Variants in NAA11 observed in about 807,000 individuals in gnomAD.
NAA11 encodes N-alpha-acetyltransferase 11.
NAA11 carries 15 observed loss-of-function variants against 16.1 expected under a neutral mutation model. The observed-to-expected ratio is 0.93, with a 90% CI of 0.62 to 1.44. The LOEUF (loss-of-function observed/expected upper bound fraction) is 1.44. NAA11 is among the 40% of genes most tolerant of loss of function. The probability of loss-of-function intolerance (pLI) is 0.00; values close to 1 mark genes in which losing one functional copy is unlikely to be tolerated. For missense variants in NAA11, 298 were observed against 291.3 expected, an observed-to-expected ratio of 1.02 and a Z score of -0.17; for synonymous variants, 122 against 112.4, an observed-to-expected ratio of 1.09 and a Z score of -0.54.
chr4:79,239,735 A>G (rs979203460), intron 2 of NAA11, among the ~76,000 whole-genome samples: 1 of 152,102 alleles, frequency 6.6e-6, no homozygotes, highest in Non-Finnish European at 1.5e-5. Flanking sequence ...ACCTCTTATA[A>G]TGGACACAAA....
intron 2 of NAA11, among the ~76,000 whole-genome samples, chr4:79,246,428 A>G (rs931230805): frequency 6.6e-6 from 1 of 151,862 alleles, no homozygotes; most frequent in Non-Finnish European, 1.5e-5. Context: ...GCAGTTTTAA[A>G]ACTTAGAAAT....
chr4:79,225,439 T>C (rs1721288592), downstream of NAA11, among the ~76,000 whole-genome samples: 1 of 152,082 alleles, frequency 6.6e-6, no homozygotes, highest in Non-Finnish European at 1.5e-5. Flanking sequence ...GAATGGCAAG[T>C]GTGGATGCAG....
chr4:79,303,551 T>A (rs1237105638), intron 1 of NAA11, among the ~76,000 whole-genome samples: 2 of 152,148 alleles, frequency 1.3e-5, no homozygotes, highest in Non-Finnish European at 2.9e-5. Context: ...AGGAACACAG[T>A]GCCATTTGAA....
At chr4:79,180,245 C>A in the NAA11 span, among the ~76,000 whole-genome samples, 1 of 152,096 alleles carries the variant, frequency 6.6e-6, no homozygotes, top group South Asian at 2.1e-4. Flanking sequence ...AATATTCTAT[C>A]CTTTAAAAAA....
chr4:79,225,013 C>T (rs950893650), downstream of NAA11, among the ~76,000 whole-genome samples: 2 of 151,782 alleles, frequency 1.3e-5, no homozygotes, highest in African/African-American at 4.8e-5. Context: ...GATAGGACAA[C>T]AAAATATATG....
chr4:79,282,969 T>C (rs1722829358), intron 2 of NAA11, among the ~76,000 whole-genome samples: 1 of 151,720 alleles, frequency 6.6e-6, no homozygotes, highest in Non-Finnish European at 1.5e-5. Flanking sequence ...GGAAGTAGAG[T>C]GAAGTATCTG....
Position 79,263,600 on chromosome 4 carries a change from G to A in NAA11, c.*122+30405C>T, listed in dbSNP as rs138120438. 1.6e-3 allele frequency among the ~76,000 whole-genome samples: 241 copies of A among 152,276 alleles called. 3 individuals are homozygous for A. The highest frequency in any genetic ancestry group is 4.1e-4 in the Non-Finnish European group (28 of 68,018). ...AAGAGTGCTGACAACAGGATTGTAC[G>A]ATTATGAATTTATCTGGGAGATGTT... is the stretch of plus-strand genomic sequence containing the variant. On this transcript the variant is annotated intron_variant and NMD_transcript_variant, in intron 2 of 2. Coordinates refer to the NAA11 transcript ENST00000511542.
chr4:79,202,623 TTATATA>T, the NAA11 span, among the ~76,000 whole-genome samples: 119 of 52,638 alleles, frequency 2.3e-3, 8 homozygotes, highest in South Asian at 7.6e-3. Flanking sequence ...ATATATAGTT[TTATATA>T]TATATATATA....
chr4:79,188,574 G>C, the NAA11 span, among the ~76,000 whole-genome samples: 1 of 149,036 alleles, frequency 6.7e-6, no homozygotes, highest in Non-Finnish European at 1.5e-5. Context: ...GACAGAGCGA[G>C]ACTCCGCCTC....
chr4:79,234,281 G>A (rs569287111), intron 2 of NAA11, among the ~76,000 whole-genome samples: 1 of 152,176 alleles, frequency 6.6e-6, no homozygotes, highest in African/African-American at 2.4e-5. Flanking sequence ...TTAATTATTT[G>A]AGTAAAGTTT....
the NAA11 span, among the ~76,000 whole-genome samples, chr4:79,199,443 A>T: frequency 1.3e-5 from 2 of 152,012 alleles, no homozygotes; most frequent in South Asian, 2.1e-4. Flanking sequence ...TCATTATGGC[A>T]TCAGAAGGGA....
chr4:79,278,135 A>T (rs1722704711), intron 2 of NAA11, among the ~76,000 whole-genome samples: 1 of 151,828 alleles, frequency 6.6e-6, no homozygotes, highest in Non-Finnish European at 1.5e-5. Context: ...AGGGATTTAA[A>T]TTTTTTCTTT....
intron 2 of NAA11, among the ~76,000 whole-genome samples, chr4:79,245,807 G>A (rs1158571999): frequency 1.3e-5 from 2 of 151,232 alleles, no homozygotes; most frequent in African/African-American, 2.4e-5. Context: ...GGGGTGAGGG[G>A]CCCCTCTGCC....
At chr4:79,233,423 A>T (rs1042183510) in intron 2 of NAA11, among the ~76,000 whole-genome samples, 1 of 151,876 alleles carries the variant, frequency 6.6e-6, no homozygotes, top group Admixed American at 6.6e-5. Flanking sequence ...TCATTTTTTT[A>T]AAAAAGGAAT....
chr4:79,186,106 A>G, the NAA11 span, among the ~76,000 whole-genome samples: 3 of 152,122 alleles, frequency 2.0e-5, no homozygotes, highest in Non-Finnish European at 4.4e-5. Context: ...CTATGTGGAG[A>G]TATTTCAGGT....
At chr4:79,225,390 C>T (rs1470010384), downstream of NAA11, among the ~76,000 whole-genome samples, 2 of 151,914 alleles carry the variant, frequency 1.3e-5, no homozygotes, top group Non-Finnish European at 2.9e-5. Context: ...TACATTTTAC[C>T]TTACGTAAAG....
chr4:79,220,241 C>T, the NAA11 span, among the ~76,000 whole-genome samples: 2 of 152,144 alleles, frequency 1.3e-5, no homozygotes, highest in African/African-American at 2.4e-5. Flanking sequence ...TACAGGCAGG[C>T]GCCACTACGC....
chr4:79,220,480 A>G, the NAA11 span, among the ~76,000 whole-genome samples: 15 of 151,502 alleles, frequency 9.9e-5, no homozygotes, highest in African/African-American at 3.6e-4. Context: ...TTGAATTTCT[A>G]TGAATAGTTA....
the NAA11 span, among the ~76,000 whole-genome samples, chr4:79,210,860 C>T: frequency 1.3e-5 from 2 of 152,142 alleles, no homozygotes; most frequent in Admixed American, 1.3e-4. Context: ...CTCTAAACCC[C>T]GCTTTCTTTA....
Sources: allele counts gnomAD v4.1 joint callset (sites outside exome capture counted in the v4.1 genomes callset), GRCh38; gene constraint gnomAD v4.1.1; transcripts MANE v1.5; gene names NCBI Gene and HGNC (gene_info 2026-07-23, HGNC 2026-07-21).